CPQ: variants seen among roughly 807,000 people sequenced by gnomAD.
CPQ encodes Ser-Met dipeptidase.
A neutral mutation model predicts 45.7 loss-of-function variants in CPQ; 37 were observed. The observed-to-expected ratio is 0.81, with a 90% CI of 0.62 to 1.07. The LOEUF (loss-of-function observed/expected upper bound fraction) is 1.07. Ranked by LOEUF, CPQ falls within the 50% of genes least tolerant of loss-of-function variation. The pLI is 0.00. For missense variants in CPQ, 537 were observed against 572.9 expected (o/e 0.94, Z 0.64); for synonymous variants, 186 against 205.8 (o/e 0.90, Z 0.82).
At chr8:96,985,127 C>T (rs946061915) in intron 5 of CPQ, among the ~76,000 whole-genome samples, 3 of 151,988 alleles carry the variant, frequency 2.0e-5, no homozygotes, top group African/African-American at 7.2e-5. Flanking sequence ...TTTTTTCTGG[C>T]TCTTATAGTT....
chr8:96,929,808 A>G (rs1812947002), intron 4 of CPQ, among the ~76,000 whole-genome samples: 1 of 152,160 alleles, frequency 6.6e-6, no homozygotes, highest in Non-Finnish European at 1.5e-5. Flanking sequence ...CTGAAAAAAT[A>G]TAGATAGAGA....
At chr8:96,759,063 G>A (rs1337258175) in intron 1 of CPQ, among the ~76,000 whole-genome samples, 4 of 152,160 alleles carry the variant, frequency 2.6e-5, no homozygotes, top group Admixed American at 6.6e-5. Context: ...GAACTCAGAC[G>A]TCTTCTATGG....
At chr8:97,041,335 G>A (rs1030179153) in intron 6 of CPQ, among the ~76,000 whole-genome samples, 1 of 152,086 alleles carries the variant, frequency 6.6e-6, no homozygotes, top group Non-Finnish European at 1.5e-5. Flanking sequence ...CATTGATTTT[G>A]TATCCTGAGA....
intron 5 of CPQ, among the ~76,000 whole-genome samples, chr8:97,009,694 T>C (rs1809447593): frequency 6.6e-6 from 1 of 152,182 alleles, no homozygotes; most frequent in South Asian, 2.1e-4. Context: ...TTTTGCTCAG[T>C]GGATTTTCTT....
intron 2 of CPQ, among the ~76,000 whole-genome samples, chr8:96,815,789 T>C (rs900319088): frequency 6.6e-6 from 1 of 152,140 alleles, no homozygotes; most frequent in African/African-American, 2.4e-5. Flanking sequence ...AATATCACAA[T>C]AAAATTTTTT....
chr8:96,709,074 G>C (rs1182589677), intron 1 of CPQ, among the ~76,000 whole-genome samples: 1 of 151,892 alleles, frequency 6.6e-6, no homozygotes, highest in Non-Finnish European at 1.5e-5. Flanking sequence ...CTTTATGTAT[G>C]TTCATTTTTT....
chr8:96,806,094 A>C (rs999323724), intron 2 of CPQ, among the ~76,000 whole-genome samples: 6 of 152,130 alleles, frequency 3.9e-5, no homozygotes, highest in African/African-American at 1.4e-4. Flanking sequence ...TATCACCAGC[A>C]TGAGGTGGGA....
intron 3 of CPQ, among the ~76,000 whole-genome samples, chr8:96,867,991 C>A (rs1812017375): frequency 6.6e-6 from 1 of 151,942 alleles, no homozygotes; most frequent in South Asian, 2.1e-4. Flanking sequence ...CATCTCAGTC[C>A]CTTGGAGTTT....
intron 2 of CPQ, among the ~76,000 whole-genome samples, chr8:96,789,929 G>T (rs533692468): frequency 9.2e-5 from 14 of 152,122 alleles, no homozygotes; most frequent in Non-Finnish European, 1.8e-4. Context: ...CCTAGGACAT[G>T]TGTGTAGCTT....
chr8:96,648,891 T>G (rs1340277663), intron 1 of CPQ, among the ~76,000 whole-genome samples: 1 of 151,978 alleles, frequency 6.6e-6, no homozygotes, highest in Non-Finnish European at 1.5e-5. Context: ...GGTAGGGAGG[T>G]GTGGTAAGGT....
At chr8:96,846,964 C>T (rs905538528) in intron 3 of CPQ, among the ~76,000 whole-genome samples, 1 of 152,174 alleles carries the variant, frequency 6.6e-6, no homozygotes, top group African/African-American at 2.4e-5. Context: ...TTATTTTGCA[C>T]AATGACTCTC....
intron 1 of CPQ, among the ~76,000 whole-genome samples, chr8:96,779,063 CA>C (rs561557208): frequency 0.057 from 3,245 of 56,994 alleles, 92 homozygotes; most frequent in African/African-American, 0.16. Flanking sequence ...ACTCCATCTC[CA>C]AAAAAAAAAA....
chr8:96,876,285 A>AAAT (rs1812144046), intron 3 of CPQ, among the ~76,000 whole-genome samples: 1 of 152,098 alleles, frequency 6.6e-6, no homozygotes, highest in Admixed American at 6.6e-5. Context: ...TTGATATTAA[A>AAAT]AATACATTAA....
chr8:97,061,925 C>A (rs2130522063), intron 6 of CPQ, among the ~76,000 whole-genome samples: 1 of 152,216 alleles, frequency 6.6e-6, no homozygotes, highest in Admixed American at 6.5e-5. Context: ...ATGTGAGGGT[C>A]AAACCCAGTC....
chr8:96,678,565 C>G (rs1809105408), intron 1 of CPQ, among the ~76,000 whole-genome samples: 1 of 152,062 alleles, frequency 6.6e-6, no homozygotes, highest in Non-Finnish European at 1.5e-5. Flanking sequence ...TCTTTGCATC[C>G]TTGCCAGCAT....
chr8:97,137,901 G>C (rs932470462), intron 7 of CPQ, among the ~76,000 whole-genome samples: 3 of 152,004 alleles, frequency 2.0e-5, no homozygotes, highest in African/African-American at 7.3e-5. Flanking sequence ...AAAAAAAAAG[G>C]ACTTCTGGCT....
chr8:96,804,949 G>A (rs1252576498), intron 2 of CPQ, among the ~76,000 whole-genome samples: 2 of 152,072 alleles, frequency 1.3e-5, no homozygotes, highest in African/African-American at 4.8e-5. Flanking sequence ...TTGTCCCTTA[G>A]TTCATGGAAT....
intron 6 of CPQ, among the ~76,000 whole-genome samples, chr8:97,058,919 T>G (rs573509510): frequency 1.0e-3 from 158 of 152,270 alleles, no homozygotes; most frequent in African/African-American, 3.7e-3. Context: ...GGATATTGCA[T>G]TTTTTAAAAA....
chr8:96,990,463 G>A (rs577336358), intron 5 of CPQ, among the ~76,000 whole-genome samples: 1 of 152,194 alleles, frequency 6.6e-6, no homozygotes, highest in African/African-American at 2.4e-5. Flanking sequence ...ATGTTGAATA[G>A]TCTTATGTAC....
Sources: gnomAD v4.1 joint callset for allele counts (sites outside exome capture counted in the v4.1 genomes callset) on GRCh38, gnomAD v4.1.1 for gene constraint, MANE v1.5 for transcripts, NCBI Gene and HGNC (gene_info 2026-07-23, HGNC 2026-07-21) for gene names.